The following CHD8 variants were observed in gnomAD, a reference collection of about 807,000 sequenced individuals.
The protein encoded by CHD8 is chromodomain helicase DNA binding protein 8, also known as ATP-dependent chromatin remodeler CHD8.
Under a neutral mutation model 279.2 loss-of-function variants are expected in CHD8, and 31 were observed. That is an observed-to-expected ratio of 0.11 (90% confidence interval 0.08 to 0.15). The LOEUF (loss-of-function observed/expected upper bound fraction) is 0.15. Among genes scored for constraint, CHD8 ranks in the 10% least tolerant of loss-of-function variants. The pLI is 1.00. For synonymous variants in CHD8, 1,081 were observed against 1,139.6 expected (o/e 0.95, Z 1.04); for missense variants, 2,146 against 3,230.5 (o/e 0.66, Z 8.14).
chr14:21,418,807 G>C (rs946127862), intron 5 of CHD8, among the ~76,000 whole-genome samples: 1 of 152,078 alleles, frequency 6.6e-6, no homozygotes, highest in African/African-American at 2.4e-5. Context: ...GGCGACACAG[G>C]GAGACTCCGT....
At chr14:21,421,485 A>G (rs953041855) in intron 5 of CHD8, among the ~76,000 whole-genome samples, 1 of 152,054 alleles carries the variant, frequency 6.6e-6, no homozygotes, top group Non-Finnish European at 1.5e-5. Context: ...TGCTATTGCA[A>G]TATTGCTACA....
At chr14:21,451,122 A>C (rs1006779304) in intron 1 of CHD8, among the ~76,000 whole-genome samples, 7 of 152,330 alleles carry the variant, frequency 4.6e-5, no homozygotes, top group African/African-American at 1.7e-4. Flanking sequence ...CATAACAGTA[A>C]ATCATAGTTC....
chr14:21,424,627 C>T (rs538433601), intron 5 of CHD8, among the ~76,000 whole-genome samples: 10 of 152,094 alleles, frequency 6.6e-5, no homozygotes, highest in Admixed American at 6.5e-5. Context: ...CCCACCACCA[C>T]GCCCGGCTAA....
Position 21,385,219 on chromosome 14 carries a change from T to G in CHD8, c.*394A>C. 5.2e-6 allele frequency: 1 copy of G among 192,308 alleles called. No homozygotes were observed. The highest frequency in any genetic ancestry group is 1.1e-5 in the Non-Finnish European group (1 of 93,038). 11.9% of individuals were successfully genotyped at this position (192,308 alleles called of 1,614,324 possible). On this transcript the variant is annotated 3_prime_UTR_variant, in exon 38 of 38. Coordinates refer to ENST00000646647, the MANE Select transcript of CHD8 (RefSeq NM_001170629.2). Reference sequence around the variant, plus strand: ...TGGAAAAGGATTAACTTAAATTTATTAATGCCAAGGGGAAAGAAGGTAACA... The same window carrying G: ...TGGAAAAGGATTAACTTAAATTTATGAATGCCAAGGGGAAAGAAGGTAACA...
Position 21,392,685 on chromosome 14 carries a change from A to G in CHD8, c.6593T>C (p.Leu2198Pro), listed in dbSNP as rs770376299. The change falls in exon 34 of 38, where the codon CTA (leucine) becomes CCA (proline). Residue 2198 changes from leucine to proline, a missense_variant. By Grantham distance (98) the Leu-to-Pro change is moderately conservative. This residue lies in a region of CHD8 where 513 missense variants were observed against 637.6 expected (regional missense o/e 0.80). Coordinates refer to ENST00000646647, the MANE Select transcript of CHD8 (RefSeq NM_001170629.2). ...TCCAGGAGTCAATGAGGGACTGTCT[A>G]GCAAGTGGTTGCCTGGCCCCAAAAT... ...GGILGPGNHL[L>P]DSPSLTPGEY... 6.2e-6 allele frequency: 10 copies of G among 1,613,904 alleles called. No individual in the cohort carries two copies. The highest frequency in any genetic ancestry group is 8.5e-6 in the Non-Finnish European group (10 of 1,179,904).
intron 33 of CHD8, 59 bp from the exon 34 acceptor site, chr14:21,392,868 T>C: frequency 5.9e-6 from 9 of 1,528,384 alleles, no homozygotes; most frequent in Non-Finnish European, 7.2e-6. Context: ...TGTGTGATCC[T>C]GTGATACTCA....
chr14:21,425,925 A>G (rs1452817125), intron 5 of CHD8: 3 of 537,184 alleles, frequency 5.6e-6, no homozygotes, highest in Non-Finnish European at 9.8e-6. Context: ...TGAGAGAGCA[A>G]GACTCTGTCT....
At position 21,417,896 on chromosome 14, in the gene CHD8, T is replaced by C. The variant is rs866510678; in HGVS notation, c.1717-1989A>G. Among the ~76,000 whole-genome samples, 568 of 144,588 alleles carry C rather than the reference T, an allele frequency of 3.9e-3. 7 individuals are homozygous for C. The highest frequency in any genetic ancestry group is 0.025 in the Middle Eastern group (7 of 278). The allele number at this position is 144,588 out of a possible 152,430, so 94.9% of individuals were successfully genotyped here. ...TATATATATATAATATATATATATATACACACACACACACATATACACATT... is the reference window on the plus strand; with the variant it reads ...TATATATATATAATATATATATATACACACACACACACACATATACACATT... On this transcript the variant is annotated intron_variant, in intron 5 of 37. Transcript: ENST00000646647.
intron 5 of CHD8, chr14:21,425,661 T>TA (rs1036025870): frequency 2.8e-4 from 42 of 147,812 alleles, no homozygotes; most frequent in Middle Eastern, 6.8e-3. Flanking sequence ...GCTCTTTGCC[T>TA]AAAAAAAAAA....
intron 2 of CHD8, 130 bp from the exon 3 acceptor site, chr14:21,429,465 G>T: frequency 1.1e-6 from 1 of 939,274 alleles, no homozygotes; most frequent in Non-Finnish European, 1.7e-6. Context: ...AACTCACTTT[G>T]TTCATCATCC....
At position 21,405,886 on chromosome 14, in the gene CHD8, G is replaced by A. The variant is rs1566425850; in HGVS notation, c.2908-22C>T. On this transcript the variant is annotated intron_variant, in intron 14 of 37. Transcript: ENST00000646647. The surrounding 1 kb of genome is among the most constrained non-coding windows in gnomAD (Gnocchi z 4.2). ...GTTCCTAGAAATGGAGGAAACAAAA[G>A]AATAAAATTTAAAAACATGAAGGAC... 4 of 1,591,602 alleles carry A rather than the reference G, an allele frequency of 2.5e-6. No individual in the cohort carries two copies. Among genetic ancestry groups the A allele is most frequent in the East Asian group, 2.2e-5 (1 of 44,592 alleles).
chr14:21,438,220 C>G (rs868039808), intron 1 of CHD8, among the ~76,000 whole-genome samples: 1 of 152,142 alleles, frequency 6.6e-6, no homozygotes, highest in Non-Finnish European at 1.5e-5. Context: ...GCCACCACAC[C>G]TAGCTAATTT....
In CHD8 at chr14:21,405,234, G is replaced by A; in HGVS notation, c.3282C>T (p.Cys1094=). The change falls in exon 16 of 38, where the codon TGC becomes TGT. Residue 1094 remains cysteine, a synonymous_variant. Coordinates refer to ENST00000646647, the MANE Select transcript of CHD8 (RefSeq NM_001170629.2). This position sits in a 1 kb window ranked among gnomAD's most constrained non-coding sequence, Gnocchi z 4.2. ...LLNTMMELRK[C]CNHPYLINGA... ...CATTGATGAGATATGGGTGGTTGCA[G>A]CACTTGCGCAACTCCATCATTGTGT... 2 of 1,613,722 alleles carry A rather than the reference G, an allele frequency of 1.2e-6. No homozygotes were observed. The highest frequency in any genetic ancestry group is 8.5e-7 in the Non-Finnish European group (1 of 1,179,772).
intron 1 of CHD8, among the ~76,000 whole-genome samples, chr14:21,439,656 T>C (rs1227737186): frequency 1.3e-5 from 2 of 152,196 alleles, no homozygotes; most frequent in Non-Finnish European, 2.9e-5. Flanking sequence ...ACTAATCCAT[T>C]CTGCAACCAG....
intron 37 of CHD8, 32 bp downstream of exon 37, chr14:21,390,915 G>T: frequency 9.8e-7 from 1 of 1,021,990 alleles, no homozygotes; most frequent in Non-Finnish European, 1.5e-6. Context: ...TCTAGTGTGG[G>T]AATAGAGTGG....
intron 37 of CHD8, among the ~76,000 whole-genome samples, chr14:21,388,951 T>G (rs1887402435): frequency 6.6e-6 from 1 of 152,210 alleles, no homozygotes; most frequent in African/African-American, 2.4e-5. Context: ...ATACAAGTGC[T>G]AATCCATTTT....
rs142564496 is a variant in CHD8 at position 21,399,586 on chromosome 14, A to C, written c.4921+16T>G. 5.8e-6 allele frequency: 9 copies of C among 1,561,388 alleles called. No individual in the cohort carries two copies. The highest frequency in any genetic ancestry group is 8.0e-6 in the Non-Finnish European group (9 of 1,132,046). On this transcript the variant is annotated intron_variant, in intron 26 of 37. Coordinates refer to ENST00000646647, the MANE Select transcript of CHD8 (RefSeq NM_001170629.2). ...ATCTTCAGTCGGAAAGGAGTAGAAT[A>C]GGAGAAGATACGTACCATGTTTAAA...
intron 26 of CHD8, 195 bp downstream of exon 26, chr14:21,399,407 C>T (rs1887935698): frequency 1.8e-6 from 1 of 548,354 alleles, no homozygotes. Context: ...TTTACCTATC[C>T]ATCTGGCCCT....
rs529598050 is a variant in CHD8 at position 21,445,999 on chromosome 14, A to C, written c.-216+10033T>G. Among the ~76,000 whole-genome samples, 4 of 151,374 alleles carry C rather than the reference A, an allele frequency of 2.6e-5. No homozygotes were observed. The East Asian group carries it at 7.8e-4, about 30-fold the overall frequency. ...TGGCGACAGAGCGAGACTCCGTCTC[A>C]AAAAAAAGATGGTGAGATCCCGTCT... On this transcript the variant is annotated intron_variant, in intron 1 of 37. Transcript: ENST00000646647.
Sources: allele counts gnomAD v4.1 joint callset (sites outside exome capture counted in the v4.1 genomes callset), GRCh38; gene constraint gnomAD v4.1.1; regional missense constraint gnomAD v4.1.1; non-coding constraint Gnocchi (gnomAD v3.1); transcripts MANE v1.5; gene names NCBI Gene and HGNC (gene_info 2026-07-23, HGNC 2026-07-21).